GYS1: variants seen among roughly 807,000 people sequenced by gnomAD.
The protein encoded by GYS1 is glycogen [starch] synthase, muscle.
In GYS1, 60 loss-of-function variants were observed where a neutral mutation model predicts 89.1. The ratio of observed to expected loss-of-function variants is 0.67; its 90% CI spans 0.55 to 0.84. The LOEUF is 0.84. Among genes scored for constraint, GYS1 ranks in the 40% least tolerant of loss-of-function variants. The pLI is 0.00. For missense variants in GYS1, 888 were observed against 1,003.1 expected, an observed-to-expected ratio of 0.89 and a Z score of 1.55; for synonymous variants, 366 against 401.7, an observed-to-expected ratio of 0.91 and a Z score of 1.06.
chr19:48,981,604 G>A lies in GYS1; in HGVS notation c.1095C>T (p.Phe365=). The part of the protein sequence containing the change: ...VNGSEQTVVA[F]FIMPARTNNF... ...TGTTGGTCCGCGCTGGCATGATGAA[G>A]AAGGCAACCACTGTCTGCTCGCTGC... Residue 365 remains phenylalanine (F), a synonymous_variant, in exon 8 of 16, where the codon TTC becomes TTT. Coordinates refer to ENST00000323798, the MANE Select transcript of GYS1 (RefSeq NM_002103.5). 6.2e-7 allele frequency: 1 copy of A among 1,613,328 alleles called. No individual in the cohort carries two copies. The highest frequency in any genetic ancestry group is 8.5e-7 in the Non-Finnish European group (1 of 1,179,276).
chr19:48,986,103 G>T, intron 3 of GYS1, 68 bp from the exon 4 acceptor site: 1 of 1,447,776 alleles, frequency 6.9e-7, no homozygotes, highest in African/African-American at 1.4e-5. Flanking sequence ...ATCCCCAGTA[G>T]GGACAAGGAC....
chr19:48,974,348 G>C lies in GYS1; in HGVS notation c.1423-9C>G. 6.2e-7 allele frequency: 1 copy of C among 1,613,858 alleles called. No individual in the cohort carries two copies. The highest frequency in any genetic ancestry group is 8.5e-7 in the Non-Finnish European group (1 of 1,179,878). On this transcript the variant is annotated splice_polypyrimidine_tract_variant and intron_variant, in intron 11 of 15. Transcript: ENST00000323798. ...TCCGGGTGGAAAATCACCTGGTAGT[G>C]AAAAAGAAGGACTCAGCCCAAGTGC...
Position 48,970,521 on chromosome 19 carries a change from G to C in GYS1, c.1809+25C>G, listed in dbSNP as rs762467120. On this transcript the variant is annotated intron_variant, in intron 14 of 15. Transcript: ENST00000323798. Reference sequence around the variant, plus strand: ...GCCAGGAGCTGCTGATTTGCCAGGAGAGGATAGGAAAGTGGGGGTCCTACC... The same window carrying C: ...GCCAGGAGCTGCTGATTTGCCAGGACAGGATAGGAAAGTGGGGGTCCTACC... 49 of 1,608,026 alleles carry C rather than the reference G, an allele frequency of 3.0e-5. 2 individuals are homozygous for C. In the South Asian group the frequency reaches 4.3e-4, roughly 14 times the overall value.
At position 48,968,176 on chromosome 19, in the gene GYS1, C is replaced by G. The variant is rs1248103890; in HGVS notation, c.*1112G>C. 2.2e-6 allele frequency: 1 copy of G among 451,778 alleles called. No homozygotes were observed. The highest frequency in any genetic ancestry group is 1.6e-5 in the South Asian group (1 of 64,466). 28.0% of individuals were successfully genotyped at this position (451,778 alleles called of 1,614,324 possible). A position where few individuals can be genotyped will look rare whatever the true frequency, so the allele number is the denominator to read the frequency against. ...TTTTCATCTCATCTCCGGACACACT[C>G]CAATCACACCCCTCCTGCCCTCCCC... On this transcript the variant is annotated 3_prime_UTR_variant, in exon 16 of 16. Coordinates refer to ENST00000323798, the MANE Select transcript of GYS1 (RefSeq NM_002103.5).
chr19:48,974,902 T>C (rs2038621634), intron 10 of GYS1, among the ~76,000 whole-genome samples, 169 bp from the exon 11 acceptor site: 1 of 142,504 alleles, frequency 7.0e-6, no homozygotes, highest in South Asian at 2.3e-4. Context: ...TAGTACAACC[T>C]GTAAAGGTTT....
At chr19:48,989,933 CT>C (rs1309552616) in intron 2 of GYS1, among the ~76,000 whole-genome samples, 1 of 140,910 alleles carries the variant, frequency 7.1e-6, no homozygotes, top group Non-Finnish European at 1.5e-5. Flanking sequence ...GCCGACCTGG[CT>C]TTTTGCTGCC....
At position 48,974,147 on chromosome 19, in the gene GYS1, G is replaced by GC. The variant is rs1327848778; in HGVS notation, c.1549+65dup. 1.9e-5 allele frequency: 29 copies of GC among 1,520,454 alleles called. No individual in the cohort carries two copies. The South Asian group carries it at 3.0e-4, about 16-fold the overall frequency. 94.2% of individuals were successfully genotyped at this position (1,520,454 alleles called of 1,614,324 possible). On this transcript the variant is annotated intron_variant, in intron 12 of 15. Coordinates refer to ENST00000323798, the MANE Select transcript of GYS1 (RefSeq NM_002103.5). ...CAGGCTCAGAGAAGGCCAGTGCCTCGCCCCAAGACATGCTAGCTCTGACTA... is the reference window on the plus strand; with the variant it reads ...CAGGCTCAGAGAAGGCCAGTGCCTCGCCCCCAAGACATGCTAGCTCTGACTA...
rs546862934 is a variant in GYS1, at chr19:48,990,295, G to A, written c.300+1007C>T. Among the ~76,000 whole-genome samples, 305 of 151,936 alleles carry A rather than the reference G, an allele frequency of 2.0e-3. 2 individuals carry two copies. The highest frequency in any genetic ancestry group is 6.6e-3 in the African/African-American group (275 of 41,422). On this transcript the variant is annotated intron_variant, in intron 2 of 15. Transcript: ENST00000323798. ...GTGTCTCTTTCCGTCTTCACCCTGGGGCCCTGGAACTCCCCCTCCTCTCTA... is the reference window on the plus strand; with the variant it reads ...GTGTCTCTTTCCGTCTTCACCCTGGAGCCCTGGAACTCCCCCTCCTCTCTA...
chr19:48,983,572 G>C (rs994748416), intron 5 of GYS1, among the ~76,000 whole-genome samples: 1 of 152,118 alleles, frequency 6.6e-6, no homozygotes, highest in Admixed American at 6.5e-5. Flanking sequence ...TCTCCTCATA[G>C]AAATTAAAGT....
intron 12 of GYS1, among the ~76,000 whole-genome samples, chr19:48,971,285 T>C (rs1179627054): frequency 6.6e-6 from 1 of 152,212 alleles, no homozygotes; most frequent in African/African-American, 2.4e-5. Context: ...TGCTAATTTA[T>C]TGAGCATCCC....
Position 48,969,211 on chromosome 19 carries a change from G to C in GYS1, c.*77C>G, listed in dbSNP as rs770504697. 1.5e-6 allele frequency: 2 copies of C among 1,339,610 alleles called. No homozygotes were observed. Among genetic ancestry groups the C allele is most frequent in the South Asian group, 2.7e-5 (2 of 73,622 alleles). The allele number at this position is 1,339,610 out of a possible 1,614,324, so 83.0% of individuals were successfully genotyped here. A position where few individuals can be genotyped will look rare whatever the true frequency, so the allele number is the denominator to read the frequency against. Reference sequence around the variant, plus strand: ...CACCCAGTGCAGATCTGGAGCGGGGGTTTAGGAGCAGCACCCCTCTGCATC... The same window carrying C: ...CACCCAGTGCAGATCTGGAGCGGGGCTTTAGGAGCAGCACCCCTCTGCATC... On this transcript the variant is annotated 3_prime_UTR_variant, in exon 16 of 16. Transcript: ENST00000323798.
At chr19:48,976,131 G>A (rs571861234) in intron 10 of GYS1, among the ~76,000 whole-genome samples, 29 of 152,000 alleles carry the variant, frequency 1.9e-4, no homozygotes, top group African/African-American at 5.8e-4. Context: ...CTAGGGGCCC[G>A]AGAAACTACA....
intron 2 of GYS1, among the ~76,000 whole-genome samples, chr19:48,990,370 C>T (rs916815975): frequency 9.9e-5 from 15 of 152,104 alleles, no homozygotes; most frequent in African/African-American, 3.6e-4. Flanking sequence ...TGTCCACTGA[C>T]CTCTCCTCTC....
chr19:48,968,243 CAT>C lies in GYS1; in HGVS notation c.*1043_*1044del, dbSNP rs949727254. Reference sequence around the variant, plus strand: ...AGCGGTGCAGACACAGCACAGCACACATGAGGGGCCCTCCCTTTCACCAAAGC... The same window carrying C: ...AGCGGTGCAGACACAGCACAGCACACGAGGGGCCCTCCCTTTCACCAAAGC... On this transcript the variant is annotated 3_prime_UTR_variant, in exon 16 of 16. Transcript: ENST00000323798. The C allele has an allele frequency of 2.0e-5, 9 of 454,194 alleles. No individual in the cohort carries two copies. The highest frequency in any genetic ancestry group is 3.1e-5 in the South Asian group (2 of 64,484). The allele number at this position is 454,194 out of a possible 1,614,324, so 28.1% of individuals were successfully genotyped here.
chr19:48,974,461 C>T, intron 11 of GYS1, 122 bp from the exon 12 acceptor site: 1 of 1,226,934 alleles, frequency 8.2e-7, no homozygotes. Flanking sequence ...TTGGCAGGAC[C>T]AATGTTCAAA....
rs971553062 is a variant in GYS1 at position 48,968,788 on chromosome 19, T to A, written c.*500A>T. 1 of 454,524 alleles carries A rather than the reference T, an allele frequency of 2.2e-6. No homozygotes were observed. The highest frequency in any genetic ancestry group is 4.4e-6 in the Non-Finnish European group (1 of 227,180). 28.2% of individuals were successfully genotyped at this position (454,524 alleles called of 1,614,324 possible). A position where few individuals can be genotyped will look rare whatever the true frequency, so the allele number is the denominator to read the frequency against. On this transcript the variant is annotated 3_prime_UTR_variant, in exon 16 of 16. Coordinates refer to ENST00000323798, the MANE Select transcript of GYS1 (RefSeq NM_002103.5). ...GAAATGGAGGACCATCTGCTCTCAG[T>A]TACCTTCAAACTCTGAAAGTGCCCC...
chr19:48,974,398 C>T, intron 11 of GYS1, 59 bp from the exon 12 acceptor site: 1 of 1,581,330 alleles, frequency 6.3e-7, no homozygotes, highest in Admixed American at 1.7e-5. Flanking sequence ...CCCTGAGATC[C>T]CAAGGTGGCC....
At chr19:48,976,680 G>A (rs1427538762) in intron 10 of GYS1, among the ~76,000 whole-genome samples, 1 of 152,146 alleles carries the variant, frequency 6.6e-6, no homozygotes, top group Admixed American at 6.6e-5. Flanking sequence ...GGTAGAGGTG[G>A]AGCCGTGTGC....
intron 5 of GYS1, 121 bp from the exon 6 acceptor site, chr19:48,982,958 C>G: frequency 1.3e-6 from 1 of 759,334 alleles, no homozygotes; most frequent in African/African-American, 1.7e-5. Context: ...AAGAGCGTTC[C>G]TATGAGGTCC....
Sources: allele counts gnomAD v4.1 joint callset (sites outside exome capture counted in the v4.1 genomes callset), GRCh38; gene constraint gnomAD v4.1.1; transcripts MANE v1.5; gene names NCBI Gene and HGNC (gene_info 2026-07-23, HGNC 2026-07-21).